The following AGBL1 variants were observed in gnomAD, a reference collection of about 807,000 sequenced individuals.
AGBL1 encodes cytosolic carboxypeptidase 4.
AGBL1 carries 130 observed loss-of-function variants against 118.9 expected under a neutral mutation model. That is an observed-to-expected ratio of 1.09 (90% CI 0.95 to 1.26). The LOEUF (loss-of-function observed/expected upper bound fraction) is 1.26, where lower values mean the gene tolerates loss of function less well. Ranked by LOEUF, AGBL1 falls within the 50% of genes most tolerant of loss-of-function variation. The probability of loss-of-function intolerance (pLI) is 0.00; values close to 1 mark genes in which losing one functional copy is unlikely to be tolerated. For missense variants in AGBL1, 1,584 were observed against 1,298.1 expected, an observed-to-expected ratio of 1.22 and a Z score of -3.38; for synonymous variants, 555 against 478.9, an observed-to-expected ratio of 1.16 and a Z score of -2.08.
intron 22 of AGBL1, among the ~76,000 whole-genome samples, chr15:86,832,095 A>C (rs534757117): frequency 6.6e-6 from 1 of 152,314 alleles, no homozygotes; most frequent in South Asian, 2.1e-4. Flanking sequence ...GCTGGGATGC[A>C]GAGCACTAAG....
intron 18 of AGBL1, among the ~76,000 whole-genome samples, chr15:86,414,481 C>T (rs12148688): frequency 6.6e-6 from 1 of 152,102 alleles, no homozygotes; most frequent in South Asian, 2.1e-4. Flanking sequence ...GATAGTATCT[C>T]CAGACCAGCA....
intron 17 of AGBL1, chr15:86,296,541 T>G (rs2079645799): frequency 6.6e-6 from 1 of 152,214 alleles, no homozygotes; most frequent in South Asian, 2.1e-4. Flanking sequence ...CAGCCTTCCC[T>G]GATGAAGTGC....
Position 86,243,563 on chromosome 15 carries a change from G to A in AGBL1, c.527-4108G>A, listed in dbSNP as rs556380070. ...CTGGCCAAAAAAATACCTTCAGCAT[G>A]AGGCTGGCAGCAAGGGCCTGATGGA... On this transcript the variant is annotated intron_variant, in intron 6 of 22. Transcript: ENST00000614907. Among the ~76,000 whole-genome samples, 46 of 152,310 alleles carry A rather than the reference G, an allele frequency of 3.0e-4. No individual in the cohort carries two copies. The South Asian group carries it at 8.9e-3, about 30-fold the overall frequency.
intron 1 of AGBL1, among the ~76,000 whole-genome samples, chr15:86,094,896 C>T (rs908962956): frequency 6.6e-6 from 1 of 152,164 alleles, no homozygotes; most frequent in Non-Finnish European, 1.5e-5. Flanking sequence ...TCAGATCTCA[C>T]AAGTTAAGGG....
chr15:86,359,919 A>G (rs1483970762), intron 17 of AGBL1, among the ~76,000 whole-genome samples: 1 of 151,936 alleles, frequency 6.6e-6, no homozygotes, highest in Non-Finnish European at 1.5e-5. Context: ...GAATTTATCT[A>G]TTGGTACTAA....
chr15:86,722,306 G>A (rs1332097214), intron 22 of AGBL1, among the ~76,000 whole-genome samples: 1 of 152,194 alleles, frequency 6.6e-6, no homozygotes, highest in African/African-American at 2.4e-5. Context: ...TACCAAAACA[G>A]AGATATAGAC....
chr15:86,430,301 C>A (rs1028689697), intron 18 of AGBL1, among the ~76,000 whole-genome samples: 1 of 151,916 alleles, frequency 6.6e-6, no homozygotes, highest in Admixed American at 6.6e-5. Context: ...TCGAGACCAT[C>A]CTGGCTAACA....
At chr15:86,321,818 T>C (rs998088789) in intron 17 of AGBL1, among the ~76,000 whole-genome samples, 3 of 152,124 alleles carry the variant, frequency 2.0e-5, no homozygotes, top group Admixed American at 1.3e-4. Context: ...AATGCCACTT[T>C]ATCTCTATAC....
At position 86,315,498 on chromosome 15, in the gene AGBL1, G is replaced by A. The variant is rs140723395; in HGVS notation, c.2374+20090G>A. Among the ~76,000 whole-genome samples the A allele has an allele frequency of 4.1e-3, 625 of 152,094 alleles. 7 individuals carry two copies. Among genetic ancestry groups the A allele is most frequent in the African/African-American group, 0.014 (584 of 41,468 alleles). On this transcript the variant is annotated intron_variant, in intron 17 of 22. Transcript: ENST00000614907. ...TTGGAGGCCAAGGCAGGCGGATCAC[G>A]AGGTTAGGAGTTGGAGACCAGCCTG...
chr15:86,272,147 A>C (rs2141693764), intron 15 of AGBL1, among the ~76,000 whole-genome samples: 1 of 152,340 alleles, frequency 6.6e-6, no homozygotes, highest in South Asian at 2.1e-4. Context: ...ATTACACATA[A>C]GTAACTCCTC....
intron 18 of AGBL1, among the ~76,000 whole-genome samples, chr15:86,427,851 G>T (rs2081886481): frequency 6.6e-6 from 1 of 152,170 alleles, no homozygotes; most frequent in Non-Finnish European, 1.5e-5. Flanking sequence ...CATGTTCCCA[G>T]TCTTTCCTTG....
chr15:86,943,508 G>C (rs966446769), intron 23 of AGBL1, among the ~76,000 whole-genome samples: 8 of 152,168 alleles, frequency 5.3e-5, no homozygotes, highest in Non-Finnish European at 1.0e-4. Context: ...TGTGGTGTCT[G>C]ATTTACATAG....
intron 23 of AGBL1, among the ~76,000 whole-genome samples, chr15:86,924,113 A>T (rs1362456803): frequency 6.6e-6 from 1 of 152,244 alleles, no homozygotes; most frequent in East Asian, 1.9e-4. Flanking sequence ...ATGTCTATTC[A>T]TGCATATTCA....
chr15:86,617,760 G>GCGCGCA (rs1190179367), intron 21 of AGBL1, among the ~76,000 whole-genome samples: 4 of 146,832 alleles, frequency 2.7e-5, no homozygotes, highest in Non-Finnish European at 3.0e-5. Flanking sequence ...AACTTTATGC[G>GCGCGCA]CACACACACA....
intron 6 of AGBL1, among the ~76,000 whole-genome samples, chr15:86,229,529 A>G (rs1597591142): frequency 6.6e-6 from 1 of 152,094 alleles, no homozygotes; most frequent in African/African-American, 2.4e-5. Context: ...ACACAGCCAA[A>G]CCATATCACC....
At chr15:86,112,277 TAGAA>T (rs1897435718) in intron 1 of AGBL1, among the ~76,000 whole-genome samples, 1 of 152,184 alleles carries the variant, frequency 6.6e-6, no homozygotes, top group Non-Finnish European at 1.5e-5. Context: ...TCTGCATTGA[TAGAA>T]AGGCTGATAA....
intron 1 of AGBL1, among the ~76,000 whole-genome samples, chr15:86,117,577 C>A (rs1897841782): frequency 6.6e-6 from 1 of 152,144 alleles, no homozygotes; most frequent in Non-Finnish European, 1.5e-5. Flanking sequence ...GAAACCAAGG[C>A]TCAGAATGTG....
chr15:86,557,346 G>A (rs568303969), intron 21 of AGBL1, among the ~76,000 whole-genome samples: 4 of 152,298 alleles, frequency 2.6e-5, no homozygotes, highest in South Asian at 2.1e-4. Flanking sequence ...GGTCACACAC[G>A]TGGTGTGTTT....
chr15:86,621,201 T>C (rs2084798276), intron 21 of AGBL1, among the ~76,000 whole-genome samples: 1 of 152,206 alleles, frequency 6.6e-6, no homozygotes, highest in Non-Finnish European at 1.5e-5. Flanking sequence ...TGTTATAATA[T>C]GTTGATCAAG....
Sources: gnomAD v4.1 joint callset for allele counts (sites outside exome capture counted in the v4.1 genomes callset) on GRCh38, gnomAD v4.1.1 for gene constraint, MANE v1.5 for transcripts, NCBI Gene and HGNC (gene_info 2026-07-23, HGNC 2026-07-21) for gene names.